The following DSCAM variants were observed in gnomAD, a reference collection of about 807,000 sequenced individuals.
DSCAM encodes DS cell adhesion molecule.
DSCAM carries 47 observed loss-of-function variants against 217.7 expected under a neutral mutation model. That is an observed-to-expected ratio of 0.22 (90% confidence interval 0.17 to 0.28). The LOEUF is 0.28. Among genes scored for constraint, DSCAM ranks in the 10% least tolerant of loss-of-function variants. The pLI, the probability that DSCAM is intolerant of heterozygous loss-of-function variation, is 1.00. For synonymous variants in DSCAM, 1,056 were observed against 1,015.3 expected, an observed-to-expected ratio of 1.04 and a Z score of -0.76; for missense variants, 2,080 against 2,618.3, an observed-to-expected ratio of 0.79 and a Z score of 4.49.
At chr21:40,289,672 C>A (rs2073867319) in intron 10 of DSCAM, among the ~76,000 whole-genome samples, 1 of 152,068 alleles carries the variant, frequency 6.6e-6, no homozygotes, top group South Asian at 2.1e-4. Flanking sequence ...TCTTACTGTG[C>A]CTGATTTATA....
chr21:40,250,916 G>A (rs1369597626), intron 11 of DSCAM, among the ~76,000 whole-genome samples: 19 of 152,324 alleles, frequency 1.2e-4, no homozygotes, highest in East Asian at 3.9e-4. Flanking sequence ...CCTTCTTGGC[G>A]TCTTTCCCTG....
intron 3 of DSCAM, among the ~76,000 whole-genome samples, chr21:40,431,270 GC>G (rs1160826427): frequency 6.6e-6 from 1 of 152,176 alleles, no homozygotes; most frequent in Admixed American, 6.5e-5. Context: ...TTCTGCCTCT[GC>G]CCCTCCTGAG....
At chr21:40,072,373 G>T (rs972503094) in intron 27 of DSCAM, among the ~76,000 whole-genome samples, 3 of 147,184 alleles carry the variant, frequency 2.0e-5, no homozygotes, top group Admixed American at 6.8e-5. Flanking sequence ...TTGAGACAGA[G>T]TCTCGCTCTG....
At chr21:40,700,205 G>T (rs2090640323) in intron 2 of DSCAM, among the ~76,000 whole-genome samples, 1 of 152,214 alleles carries the variant, frequency 6.6e-6, no homozygotes, top group Admixed American at 6.5e-5. Context: ...ATGTCATGTT[G>T]CACAGGATAG....
At chr21:40,450,608 T>G (rs2075710717) in intron 3 of DSCAM, among the ~76,000 whole-genome samples, 1 of 152,218 alleles carries the variant, frequency 6.6e-6, no homozygotes, top group Admixed American at 6.5e-5. Context: ...AGGTTTTAAT[T>G]CAGAAATAAA....
intron 8 of DSCAM, among the ~76,000 whole-genome samples, chr21:40,315,650 T>C (rs1418108721): frequency 6.6e-6 from 1 of 152,204 alleles, no homozygotes; most frequent in Non-Finnish European, 1.5e-5. Context: ...GGAATATTTT[T>C]ATCATTACTT....
rs112213100 is a variant in DSCAM at position 40,343,972 on chromosome 21, C to T, written c.1210+3698G>A. Among the ~76,000 whole-genome samples, 1,425 of 151,662 alleles carry T rather than the reference C, an allele frequency of 9.4e-3. 17 individuals carry two copies. Among genetic ancestry groups the T allele is most frequent in the African/African-American group, 0.033 (1,357 of 41,378 alleles). On this transcript the variant is annotated intron_variant, in intron 6 of 32. Coordinates refer to ENST00000400454, the MANE Select transcript of DSCAM (RefSeq NM_001389.5). ...AGGCTGGAGTGCAGTAGCAGGATCT[C>T]GGCTCACTGCAACCTCCACCTCCTG...
intron 18 of DSCAM, among the ~76,000 whole-genome samples, chr21:40,139,048 TGTGTGTGTATGTATGTGTG>T (rs1316092018): frequency 2.1e-5 from 3 of 145,266 alleles, no homozygotes; most frequent in African/African-American, 5.1e-5. Flanking sequence ...GTGTGTTGTG[TGTGTGTGTATGTATGTGTG>T]GTGTGTGTAT....
intron 1 of DSCAM, among the ~76,000 whole-genome samples, chr21:40,715,225 A>T (rs1035817230): frequency 2.6e-5 from 4 of 152,256 alleles, no homozygotes; most frequent in Non-Finnish European, 5.9e-5. Flanking sequence ...ACCTTTTCAC[A>T]TCACTATTTT....
intron 3 of DSCAM, among the ~76,000 whole-genome samples, chr21:40,562,820 G>A (rs1407442737): frequency 6.6e-6 from 1 of 152,118 alleles, no homozygotes; most frequent in African/African-American, 2.4e-5. Context: ...TGGCTGCAAT[G>A]CTCACAAAAA....
intron 11 of DSCAM, among the ~76,000 whole-genome samples, chr21:40,198,067 T>A (rs2205141): frequency 2.0e-5 from 3 of 151,910 alleles, no homozygotes; most frequent in Admixed American, 1.3e-4. Flanking sequence ...CATAAAGTCC[T>A]TGAAATTTCC....
Position 40,111,018 on chromosome 21 carries a change from C to G in DSCAM, c.3696+13177G>C, listed in dbSNP as rs935066447. On this transcript the variant is annotated intron_variant, in intron 20 of 32. Transcript: ENST00000400454. The stretch of plus-strand genomic sequence containing the variant: ...AGGATATTATCCAGGAGAATTTCCC[C>G]AATCTAGCAAGGCAGGCCAACATTC... 3.9e-5 allele frequency among the ~76,000 whole-genome samples: 6 copies of G among 152,248 alleles called. No individual in the cohort carries two copies. The East Asian group carries it at 1.2e-3, about 29-fold the overall frequency.
chr21:40,541,766 C>A (rs1188635255), intron 3 of DSCAM, among the ~76,000 whole-genome samples: 2 of 152,056 alleles, frequency 1.3e-5, no homozygotes. Flanking sequence ...AATGATTTTT[C>A]AGTATATTGA....
intron 3 of DSCAM, among the ~76,000 whole-genome samples, chr21:40,512,991 C>T (rs1166281389): frequency 6.6e-6 from 1 of 152,202 alleles, no homozygotes; most frequent in African/African-American, 2.4e-5. Context: ...CCTCCGCCTC[C>T]CGTATTCAAG....
intron 1 of DSCAM, among the ~76,000 whole-genome samples, chr21:40,824,541 C>A (rs891479355): frequency 6.6e-6 from 1 of 151,922 alleles, no homozygotes; most frequent in Non-Finnish European, 1.5e-5. Flanking sequence ...TCCTCAGTAG[C>A]TGGGACCACA....
chr21:40,618,175 T>G (rs1274502686), intron 3 of DSCAM, among the ~76,000 whole-genome samples: 1 of 150,888 alleles, frequency 6.6e-6, no homozygotes, highest in Admixed American at 6.6e-5. Flanking sequence ...AAATTGCTAG[T>G]TAGTACACAT....
intron 1 of DSCAM, among the ~76,000 whole-genome samples, chr21:40,758,975 A>C (rs1031960056): frequency 2.6e-5 from 4 of 152,196 alleles, no homozygotes; most frequent in African/African-American, 4.8e-5. Context: ...AGATCATCAT[A>C]AATAAAGAAC....
chr21:40,352,093 C>T (rs1457080167), intron 5 of DSCAM, among the ~76,000 whole-genome samples: 1 of 152,168 alleles, frequency 6.6e-6, no homozygotes, highest in Non-Finnish European at 1.5e-5. Flanking sequence ...GATGACCTTG[C>T]ACAGTAGGAT....
chr21:40,788,068 C>G (rs1192443909), intron 1 of DSCAM, among the ~76,000 whole-genome samples: 2 of 152,202 alleles, frequency 1.3e-5, no homozygotes, highest in Non-Finnish European at 2.9e-5. Flanking sequence ...CAAATCAACA[C>G]CAGAATAAAA....
Sources: gnomAD v4.1 joint callset for allele counts (sites outside exome capture counted in the v4.1 genomes callset) on GRCh38, gnomAD v4.1.1 for gene constraint, MANE v1.5 for transcripts, NCBI Gene and HGNC (gene_info 2026-07-23, HGNC 2026-07-21) for gene names.